The following OPCML variants were observed in gnomAD, a reference collection of about 807,000 sequenced individuals.
OPCML encodes opioid-binding protein/cell adhesion molecule.
A neutral mutation model predicts 37.8 loss-of-function variants in OPCML; 13 were observed. The observed-to-expected ratio is 0.34, with a 90% CI of 0.22 to 0.55. The LOEUF is 0.55. OPCML is among the 20% of genes least tolerant of loss of function. The pLI is 0.91. For missense variants in OPCML, 341 were observed against 435.6 expected, an observed-to-expected ratio of 0.78 and a Z score of 1.93; for synonymous variants, 176 against 168.8, an observed-to-expected ratio of 1.04 and a Z score of -0.33.
intron 1 of OPCML, among the ~76,000 whole-genome samples, chr11:133,375,290 C>T (rs1175567544): frequency 6.6e-6 from 1 of 152,226 alleles, no homozygotes; most frequent in Non-Finnish European, 1.5e-5. Flanking sequence ...TACCACTCCA[C>T]CACCTCCACG....
At chr11:133,307,665 T>G (rs375069898) in intron 1 of OPCML, among the ~76,000 whole-genome samples, 1 of 152,128 alleles carries the variant, frequency 6.6e-6, no homozygotes, top group East Asian at 1.9e-4. Flanking sequence ...AGCAGCAACT[T>G]AGGTTTTAGA....
intron 3 of OPCML, among the ~76,000 whole-genome samples, chr11:132,623,953 G>A (rs1383306060): frequency 6.6e-6 from 1 of 152,152 alleles, no homozygotes; most frequent in Non-Finnish European, 1.5e-5. Context: ...GTGTTGGATG[G>A]ATTGCTCTTT....
intron 2 of OPCML, among the ~76,000 whole-genome samples, chr11:132,700,695 G>T (rs1052133608): frequency 1.3e-5 from 2 of 152,048 alleles, no homozygotes; most frequent in Non-Finnish European, 2.9e-5. Flanking sequence ...TTATTTTGTG[G>T]TTGAACATAT....
At chr11:133,403,541 T>A (rs1462926764) in intron 1 of OPCML, among the ~76,000 whole-genome samples, 2 of 152,024 alleles carry the variant, frequency 1.3e-5, no homozygotes, top group Non-Finnish European at 2.9e-5. Context: ...GCTGAGGGAG[T>A]AGGCTAAATT....
At position 133,177,016 on chromosome 11, in the gene OPCML, G is replaced by A. The variant is rs752656156; in HGVS notation, c.62-234006C>T. Among the ~76,000 whole-genome samples the A allele has an allele frequency of 6.6e-6, 1 of 152,184 alleles. No individual in the cohort carries two copies. The highest frequency in any genetic ancestry group is 1.5e-5 in the Non-Finnish European group (1 of 68,038). On this transcript the variant is annotated intron_variant, in intron 1 of 7. Coordinates refer to ENST00000524381, the MANE Select transcript of OPCML (RefSeq NM_001012393.5). This position sits in a 1 kb window ranked among gnomAD's most constrained non-coding sequence, Gnocchi z 5.0. ...CTTCAGTGCCAGCTCAGCTCCTCCT[G>A]TGCCATCATCCTGCCAGCGGGACCC...
chr11:132,479,692 T>A (rs1242687000), intron 4 of OPCML, among the ~76,000 whole-genome samples: 1 of 152,196 alleles, frequency 6.6e-6, no homozygotes, highest in Non-Finnish European at 1.5e-5. Context: ...ACAGGCAGAC[T>A]GCCTCCTCAA....
At chr11:133,388,710 A>G (rs1326368632) in intron 1 of OPCML, among the ~76,000 whole-genome samples, 1 of 152,206 alleles carries the variant, frequency 6.6e-6, no homozygotes, top group East Asian at 1.9e-4. Flanking sequence ...CCATTGCCCC[A>G]GAACATGTGT....
intron 1 of OPCML, among the ~76,000 whole-genome samples, chr11:133,020,119 G>C (rs1375475692): frequency 6.6e-6 from 1 of 152,202 alleles, no homozygotes; most frequent in Non-Finnish European, 1.5e-5. Flanking sequence ...AGTGGCTGCT[G>C]CCATTACAAT....
chr11:133,501,187 C>T (rs1947904943), intron 1 of OPCML, among the ~76,000 whole-genome samples: 1 of 152,126 alleles, frequency 6.6e-6, no homozygotes, highest in African/African-American at 2.4e-5. Flanking sequence ...CACACAAGCG[C>T]CAGATTCACC....
At chr11:133,361,316 C>G (rs1024182099) in intron 1 of OPCML, 2 of 152,360 alleles carry the variant, frequency 1.3e-5, no homozygotes, top group African/African-American at 4.8e-5. Flanking sequence ...CGCTGGCTGC[C>G]TGGAACCAAG....
At chr11:132,448,469 G>A (rs567744876) in intron 4 of OPCML, among the ~76,000 whole-genome samples, 3 of 152,330 alleles carry the variant, frequency 2.0e-5, no homozygotes, top group African/African-American at 4.8e-5. Flanking sequence ...CATTGCTCAT[G>A]CACTGAGCCC....
chr11:132,750,429 A>G (rs899571362), intron 2 of OPCML, among the ~76,000 whole-genome samples: 1 of 152,176 alleles, frequency 6.6e-6, no homozygotes, highest in Admixed American at 6.5e-5. Flanking sequence ...TGGAGGCTCA[A>G]TCTATACAAA....
At chr11:133,118,940 A>C (rs917815632) in intron 1 of OPCML, among the ~76,000 whole-genome samples, 2 of 152,232 alleles carry the variant, frequency 1.3e-5, no homozygotes, top group African/African-American at 4.8e-5. Context: ...AATAGCAGTA[A>C]TTTGGCACTG....
chr11:133,207,517 C>T lies in OPCML; in HGVS notation c.62-264507G>A, dbSNP rs776254263. ...AATTTCAGATCTGCCTGTAGCTCTGCGGAGATCTCTGGACAATTCGCTCTG... is the reference window on the plus strand; with the variant it reads ...AATTTCAGATCTGCCTGTAGCTCTGTGGAGATCTCTGGACAATTCGCTCTG... On this transcript the variant is annotated intron_variant, in intron 1 of 7. Coordinates refer to ENST00000524381, the MANE Select transcript of OPCML (RefSeq NM_001012393.5). Among the ~76,000 whole-genome samples, 86 of 152,242 alleles carry T rather than the reference C, an allele frequency of 5.6e-4. 1 individual carries two copies. The highest frequency in any genetic ancestry group is 2.1e-3 in the South Asian group (10 of 4,820).
intron 4 of OPCML, among the ~76,000 whole-genome samples, chr11:132,444,930 T>C (rs2136802977): frequency 6.6e-6 from 1 of 152,374 alleles, no homozygotes; most frequent in African/African-American, 2.4e-5. Context: ...TTCATTTTCC[T>C]TTAATTAACA....
At chr11:133,305,559 C>T (rs910569585) in intron 1 of OPCML, among the ~76,000 whole-genome samples, 1 of 152,168 alleles carries the variant, frequency 6.6e-6, no homozygotes, top group African/African-American at 2.4e-5. Context: ...TACAGCCATG[C>T]TTATCATTCT....
intron 4 of OPCML, among the ~76,000 whole-genome samples, chr11:132,519,989 GAC>G (rs1406398161): frequency 6.6e-6 from 1 of 152,156 alleles, no homozygotes; most frequent in Non-Finnish European, 1.5e-5. Context: ...TATTTTAATT[GAC>G]ACAGAGGAAC....
At chr11:133,450,707 G>C (rs76210110) in intron 1 of OPCML, among the ~76,000 whole-genome samples, 2,963 of 151,754 alleles carry the variant, frequency 0.02, 203 homozygotes, top group African/African-American at 0.068. Flanking sequence ...AGGAAACAGA[G>C]AACACAACGT....
At chr11:132,587,882 T>C (rs1265761784) in intron 3 of OPCML, among the ~76,000 whole-genome samples, 1 of 152,108 alleles carries the variant, frequency 6.6e-6, no homozygotes, top group African/African-American at 2.4e-5. Flanking sequence ...AGAGTAGAAG[T>C]AGGAGCTACC....
Sources: allele counts gnomAD v4.1 joint callset (sites outside exome capture counted in the v4.1 genomes callset), GRCh38; gene constraint gnomAD v4.1.1; non-coding constraint Gnocchi (gnomAD v3.1); transcripts MANE v1.5; gene names NCBI Gene and HGNC (gene_info 2026-07-23, HGNC 2026-07-21).